BRPF3: variants seen among roughly 807,000 people sequenced by gnomAD.
BRPF3 encodes bromodomain and PHD finger-containing protein 3.
Under a neutral mutation model 102.0 loss-of-function variants are expected in BRPF3, and 18 were observed. The ratio of observed to expected loss-of-function variants is 0.18; its 90% confidence interval spans 0.12 to 0.26. The LOEUF (loss-of-function observed/expected upper bound fraction) is 0.26. BRPF3 is among the 10% of genes least tolerant of loss of function. BRPF3 has a pLI of 1.00. For missense variants in BRPF3, 1,147 were observed against 1,567.8 expected (o/e 0.73, Z 4.53); for synonymous variants, 570 against 614.2 (o/e 0.93, Z 1.06).
intron 10 of BRPF3, 152 bp downstream of exon 10, chr6:36,222,417 C>T (rs1768582514): frequency 1.7e-6 from 1 of 604,386 alleles, no homozygotes; most frequent in Admixed American, 3.2e-5. Flanking sequence ...TGGCACTCTC[C>T]CAGGCCAATC....
rs189268134 is a variant in BRPF3 at position 36,200,520 on chromosome 6, A to T, written c.198A>T (p.Leu66=). 600 of 1,614,244 alleles carry T rather than the reference A, an allele frequency of 3.7e-4. 8 individuals carry two copies. The East Asian group carries it at 0.011, about 30-fold the overall frequency. The change falls in exon 2 of 13, where the codon CTA becomes CTT. Residue 66 remains leucine, a synonymous_variant. Coordinates refer to ENST00000357641, the MANE Select transcript of BRPF3 (RefSeq NM_015695.3). This position sits in a 1 kb window ranked among gnomAD's most constrained non-coding sequence, Gnocchi z 5.3. The stretch of plus-strand genomic sequence containing the variant: ...TCAAAATCATTACTGAAGATGAGCT[A>T]ACTGCCCAGGATATCACCGAATGCA... ...DPLKIITEDE[L]TAQDITECNS...
rs946477809 is a variant in BRPF3 at position 36,211,475 on chromosome 6, T to C, written c.2397T>C (p.Asn799=). The stretch of plus-strand genomic sequence containing the variant: ...CATCACTCAACAAGACAGTATCCAA[T>C]GGGGAGCTGCCAGCAGGGCCCCAGG... ...QPPSLNKTVS[N]GELPAGPQGD... The change falls in exon 7 of 13, where the codon AAT becomes AAC. Residue 799 remains asparagine, a synonymous_variant. Coordinates refer to ENST00000357641, the MANE Select transcript of BRPF3 (RefSeq NM_015695.3). 1.3e-6 allele frequency: 2 copies of C among 1,593,238 alleles called. No individual in the cohort carries two copies. The highest frequency in any genetic ancestry group is 1.7e-6 in the Non-Finnish European group (2 of 1,169,844).
rs1291255830 is a variant in BRPF3 at position 36,229,606 on chromosome 6, A to T, written c.3434+550A>T. ...TTCCGTCCTGAGGGGGGTTCTGGCCAGTGCAGTGTCCGCTACAGGAGACTT... is the reference window on the plus strand; with the variant it reads ...TTCCGTCCTGAGGGGGGTTCTGGCCTGTGCAGTGTCCGCTACAGGAGACTT... On this transcript the variant is annotated intron_variant, in intron 12 of 12. Transcript: ENST00000357641. 2.0e-5 allele frequency among the ~76,000 whole-genome samples: 3 copies of T among 152,210 alleles called. No individual in the cohort carries two copies. In the East Asian group the frequency reaches 5.8e-4, roughly 29 times the overall value.
chr6:36,214,732 G>C (rs865833471), intron 8 of BRPF3, among the ~76,000 whole-genome samples: 3 of 152,116 alleles, frequency 2.0e-5, no homozygotes, highest in African/African-American at 7.2e-5. Flanking sequence ...AAATCAATGA[G>C]CAAAACAGAC....
chr6:36,200,644 T>C lies in BRPF3; in HGVS notation c.322T>C (p.Ser108Pro). Residue 108 changes from serine (S) to proline (P), a missense_variant, in exon 2 of 13, where the codon TCT (serine) becomes CCT (proline). Transcript: ENST00000357641. This position sits in a 1 kb window ranked among gnomAD's most constrained non-coding sequence, Gnocchi z 5.3. The part of the protein sequence containing the change: ...KKKESCSKHA[S>P]GTSFHLPQPS... ...GAAGGAATCCTGCTCCAAGCATGCA[T>C]CTGGTACTTCCTTCCACCTCCCACA... The C allele has an allele frequency of 4.3e-6, 7 of 1,614,158 alleles. No individual in the cohort carries two copies. Among genetic ancestry groups the C allele is most frequent in the Non-Finnish European group, 5.9e-6 (7 of 1,180,026 alleles).
Position 36,210,354 on chromosome 6 carries a change from A to C in BRPF3, c.2005A>C (p.Asn669His). ...TATAGTTACCAACTGCATGAAGTAT[A>C]ATGCTAAAGACACAATTTTCCACCG... Reference protein sequence around the residue: ...NLIVTNCMKYNAKDTIFHRAA... With the variant: ...NLIVTNCMKYHAKDTIFHRAA... Residue 669 changes from asparagine to histidine, a missense_variant, in exon 6 of 13, where the codon AAT becomes CAT. By Grantham distance (68) the Asn-to-His change is moderately conservative. Coordinates refer to ENST00000357641, the MANE Select transcript of BRPF3 (RefSeq NM_015695.3). This position sits in a 1 kb window ranked among gnomAD's most constrained non-coding sequence, Gnocchi z 4.7. 1 of 1,614,218 alleles carries C rather than the reference A, an allele frequency of 6.2e-7. No homozygotes were observed. The highest frequency in any genetic ancestry group is 8.5e-7 in the Non-Finnish European group (1 of 1,180,042).
In BRPF3 at chr6:36,209,781, C is replaced by G. The variant is rs1234102653; in HGVS notation, c.1738-6C>G. 1 of 1,613,646 alleles carries G rather than the reference C, an allele frequency of 6.2e-7. No homozygotes were observed. Among genetic ancestry groups the G allele is most frequent in the Non-Finnish European group, 8.5e-7 (1 of 1,179,744 alleles). ...CTGATCTGATCTCACCCCACCTTCC[C>G]CACAGGTCAAAGTCCAGCAGGCTGC... On this transcript the variant is annotated splice_region_variant and splice_polypyrimidine_tract_variant and intron_variant, in intron 4 of 12. Transcript: ENST00000357641.
chr6:36,201,619 G>A lies in BRPF3; in HGVS notation c.1297G>A (p.Ala433Thr). 1 of 1,614,184 alleles carries A rather than the reference G, an allele frequency of 6.2e-7. No homozygotes were observed. Among genetic ancestry groups the A allele is most frequent in the East Asian group, 2.2e-5 (1 of 44,882 alleles). The part of the protein sequence containing the change: ...EEEVEEEEQE[A>T]QGGVSGSLKG... The stretch of plus-strand genomic sequence containing the variant: ...AGAGGTGGAGGAAGAAGAGCAGGAA[G>A]CTCAAGGCGGGGTGAGTGGCTCCCT... Residue 433 changes from alanine to threonine, a missense_variant, in exon 2 of 13, where the codon GCT becomes ACT. Physicochemically the swap from Ala to Thr is moderately conservative, Grantham distance 58. This residue lies in a region of BRPF3 where 157 missense variants were observed against 163.6 expected (regional missense o/e 0.96). Transcript: ENST00000357641. The surrounding 1 kb of genome is among the most constrained non-coding windows in gnomAD (Gnocchi z 5.1).
At chr6:36,207,555 C>A (rs1451123127) in intron 4 of BRPF3, 111 bp downstream of exon 4, 2 of 1,376,492 alleles carry the variant, frequency 1.5e-6, no homozygotes, top group Admixed American at 5.3e-5. Flanking sequence ...TTTCTTTCTC[C>A]CCTCCCTACC....
chr6:36,206,220 C>G (rs1180073441), intron 3 of BRPF3, among the ~76,000 whole-genome samples: 2 of 152,160 alleles, frequency 1.3e-5, no homozygotes, highest in Non-Finnish European at 2.9e-5. Context: ...CTGTTGGGAT[C>G]CTCCATGGCC....
rs1025436171 is a variant in BRPF3, at chr6:36,216,301, G to A, written c.2990-1616G>A. On this transcript the variant is annotated intron_variant, in intron 8 of 12. Coordinates refer to ENST00000357641, the MANE Select transcript of BRPF3 (RefSeq NM_015695.3). ...CAGTTGAATCAGGCTTAGCCATACA[G>A]TGCTGAGAACACTGCATTAAAAGAA... Among the ~76,000 whole-genome samples, 4 of 152,172 alleles carry A rather than the reference G, an allele frequency of 2.6e-5. No homozygotes were observed. In the East Asian group the frequency reaches 7.7e-4, roughly 29 times the overall value.
intron 7 of BRPF3, among the ~76,000 whole-genome samples, chr6:36,212,989 G>C (rs1426825640): frequency 2.0e-5 from 3 of 152,176 alleles, no homozygotes; most frequent in Non-Finnish European, 4.4e-5. Flanking sequence ...CAAGGTGGTA[G>C]GTGAGCACAC....
intron 4 of BRPF3, 76 bp from the exon 5 acceptor site, chr6:36,209,711 C>T (rs965210110): frequency 6.5e-7 from 1 of 1,539,626 alleles, no homozygotes; most frequent in African/African-American, 1.4e-5. Flanking sequence ...TGGTAAAAGT[C>T]AAACTATCAA....
chr6:36,201,259 A>C lies in BRPF3; in HGVS notation c.937A>C (p.Ile313Leu), dbSNP rs753041915. 1.7e-5 allele frequency: 27 copies of C among 1,614,066 alleles called. No individual in the cohort carries two copies. The highest frequency in any genetic ancestry group is 2.3e-5 in the Non-Finnish European group (27 of 1,180,048). ...NTVFLEPIEG[I>L]DNIPPARWKL... ...CGTGTTCTTGGAACCTATTGAGGGCATTGACAATATCCCGCCTGCCCGCTG... is the reference window on the plus strand; with the variant it reads ...CGTGTTCTTGGAACCTATTGAGGGCCTTGACAATATCCCGCCTGCCCGCTG... Residue 313 changes from isoleucine to leucine, a missense_variant, in exon 2 of 13, where the codon ATT becomes CTT. Physicochemically the swap from Ile to Leu is conservative, Grantham distance 5. Transcript: ENST00000357641. The surrounding 1 kb of genome is among the most constrained non-coding windows in gnomAD (Gnocchi z 5.1).
At chr6:36,222,006 A>T (rs1055301934) in intron 9 of BRPF3, among the ~76,000 whole-genome samples, 162 bp from the exon 10 acceptor site, 1 of 152,126 alleles carries the variant, frequency 6.6e-6, no homozygotes, top group Admixed American at 6.5e-5. Flanking sequence ...TCAGTCAAAA[A>T]CATGGGTTAG....
At chr6:36,227,098 T>C (rs754569468) in intron 11 of BRPF3, among the ~76,000 whole-genome samples, 3 of 152,234 alleles carry the variant, frequency 2.0e-5, no homozygotes, top group Non-Finnish European at 4.4e-5. Flanking sequence ...ACAACCTGTG[T>C]TTTTATTTTG....
intron 3 of BRPF3, 94 bp downstream of exon 3, chr6:36,204,908 C>A: frequency 6.6e-7 from 1 of 1,525,936 alleles, no homozygotes; most frequent in Non-Finnish European, 8.9e-7. Flanking sequence ...CCTTCTTGAT[C>A]CCTCCATGGA....
At position 36,213,849 on chromosome 6, in the gene BRPF3, T is replaced by C. The variant is rs751592498; in HGVS notation, c.2483-31T>C. 4.5e-6 allele frequency: 7 copies of C among 1,553,430 alleles called. No homozygotes were observed. The South Asian group carries it at 8.7e-5, about 19-fold the overall frequency. ...TTGTAGGAGCAGACTCTTTCTAAAATGTTCAAGCAGATTCTCTTTTTTTCT... is the reference window on the plus strand; with the variant it reads ...TTGTAGGAGCAGACTCTTTCTAAAACGTTCAAGCAGATTCTCTTTTTTTCT... On this transcript the variant is annotated intron_variant, in intron 7 of 12. Transcript: ENST00000357641.
Position 36,230,692 on chromosome 6 carries a change from T to A in BRPF3, c.*83T>A. On this transcript the variant is annotated 3_prime_UTR_variant, in exon 13 of 13. Transcript: ENST00000357641. The surrounding 1 kb of genome is among the most constrained non-coding windows in gnomAD (Gnocchi z 5.4). ...GCCTCTTCTGCCCCTGCCAGATGTA[T>A]GGCCGGCAGCTTCCCCCTCTCATGG... 1 of 1,471,598 alleles carries A rather than the reference T, an allele frequency of 6.8e-7. No individual in the cohort carries two copies. The highest frequency in any genetic ancestry group is 9.2e-7 in the Non-Finnish European group (1 of 1,091,458). 91.2% of individuals were successfully genotyped at this position (1,471,598 alleles called of 1,614,324 possible). A position where few individuals can be genotyped will look rare whatever the true frequency, so the allele number is the denominator to read the frequency against.
Sources: allele counts gnomAD v4.1 joint callset (sites outside exome capture counted in the v4.1 genomes callset), GRCh38; gene constraint gnomAD v4.1.1; regional missense constraint gnomAD v4.1.1; non-coding constraint Gnocchi (gnomAD v3.1); transcripts MANE v1.5; gene names NCBI Gene and HGNC (gene_info 2026-07-23, HGNC 2026-07-21).